Variants in LPIN2 observed in about 807,000 individuals in gnomAD.
The protein encoded by LPIN2 is phosphatidate phosphatase LPIN2.
In LPIN2, 55 loss-of-function variants were observed where a neutral mutation model predicts 111.4. The observed-to-expected ratio is 0.49, with a 90% CI of 0.40 to 0.62. The LOEUF (loss-of-function observed/expected upper bound fraction) is 0.62. Ranked by LOEUF, LPIN2 falls within the 20% of genes least tolerant of loss-of-function variation. The pLI is 0.00. For missense variants in LPIN2, 992 were observed against 1,112.1 expected, an observed-to-expected ratio of 0.89 and a Z score of 1.54; for synonymous variants, 425 against 414.0, an observed-to-expected ratio of 1.03 and a Z score of -0.32.
chr18:2,950,955 C>G, intron 4 of LPIN2, 100 bp downstream of exon 4: 1 of 1,310,318 alleles, frequency 7.6e-7, no homozygotes, highest in Non-Finnish European at 1.1e-6. Context: ...GAAAACAAGC[C>G]CAAACCTCAC....
chr18:2,958,141 C>CAAA (rs1224779773), intron 2 of LPIN2, among the ~76,000 whole-genome samples: 268 of 11,916 alleles, frequency 0.022, 50 homozygotes, highest in East Asian at 0.039. Context: ...GACTCCATCT[C>CAAA]AAAAAAAAAA....
rs553050619 is a variant in LPIN2 at position 2,995,713 on chromosome 18, T to C, written c.-10+17374A>G. Among the ~76,000 whole-genome samples, 181 of 152,334 alleles carry C rather than the reference T, an allele frequency of 1.2e-3. 1 individual carries two copies. Among genetic ancestry groups the C allele is most frequent in the Non-Finnish European group, 1.9e-3 (131 of 68,034 alleles). On this transcript the variant is annotated intron_variant, in intron 1 of 19. Coordinates refer to ENST00000677752, the MANE Select transcript of LPIN2 (RefSeq NM_001375808.2). ...CATGCGTGGTTCATCAGATGTTGCT[T>C]TGAATGGCTTCTGGCTATTTCCAAA... is the stretch of plus-strand genomic sequence containing the variant.
At chr18:2,955,917 A>G (rs1355036196) in intron 2 of LPIN2, among the ~76,000 whole-genome samples, 1 of 152,062 alleles carries the variant, frequency 6.6e-6, no homozygotes, top group Non-Finnish European at 1.5e-5. Flanking sequence ...CTCTCTCAAA[A>G]AGAAAAACAA....
intron 1 of LPIN2, among the ~76,000 whole-genome samples, chr18:2,978,105 T>C (rs527635439): frequency 1.3e-5 from 2 of 152,108 alleles, no homozygotes; most frequent in Admixed American, 6.5e-5. Flanking sequence ...GAGAACTGCT[T>C]GAAGTCAGGA....
rs771851070 is a variant in LPIN2, at chr18:2,921,599, A to C, written c.2376T>G (p.Asn792Lys). The change falls in exon 18 of 20, where the codon AAT becomes AAG. Residue 792 changes from asparagine to lysine, a missense_variant. Physicochemically the swap from Asn to Lys is moderately conservative, Grantham distance 94 (BLOSUM62 0). This residue lies in a region of LPIN2 where 185 missense variants were observed against 186.5 expected (regional missense o/e 0.99). Transcript: ENST00000677752. ...KPEKFKIECL[N>K]DIKNLFAPSK... ...ACGGGGCAAACAGATTCTTGATATC[A>C]TTTAGACACTCAATTTTGAACTTCT... The C allele has an allele frequency of 2.5e-6, 4 of 1,614,080 alleles. No homozygotes were observed. Among genetic ancestry groups the C allele is most frequent in the Non-Finnish European group, 3.4e-6 (4 of 1,179,934 alleles).
intron 16 of LPIN2, 127 bp from the exon 17 acceptor site, chr18:2,922,326 G>GT (rs1431428436): frequency 3.7e-6 from 4 of 1,088,722 alleles, no homozygotes; most frequent in Non-Finnish European, 5.3e-6. Context: ...CCAGGCTGGA[G>GT]TGCTGTGGCG....
chr18:3,000,140 A>AG (rs1444536861), intron 1 of LPIN2, among the ~76,000 whole-genome samples: 14 of 150,122 alleles, frequency 9.3e-5, no homozygotes, highest in East Asian at 2.0e-4. Context: ...GAGGAGGAGG[A>AG]GAAGGAGAAA....
At chr18:3,008,949 C>T (rs908134437) in intron 1 of LPIN2, among the ~76,000 whole-genome samples, 2 of 144,600 alleles carry the variant, frequency 1.4e-5, no homozygotes, top group South Asian at 2.2e-4. Context: ...AACTCCAGGG[C>T]TCAGGCCTCA....
chr18:2,946,594 TAG>T, intron 4 of LPIN2: 5 of 919,634 alleles, frequency 5.4e-6, no homozygotes, highest in Non-Finnish European at 9.0e-6. Flanking sequence ...GAGGATGCGT[TAG>T]CCAATCCCGT....
intron 4 of LPIN2, 84 bp downstream of exon 4, chr18:2,950,971 G>GT: frequency 7.1e-7 from 1 of 1,413,264 alleles, no homozygotes; most frequent in Non-Finnish European, 1.0e-6. Context: ...CTCACACTGT[G>GT]TATCCATAAA....
At chr18:3,012,316 ACTGGTT>A (rs1264688671) in intron 1 of LPIN2, among the ~76,000 whole-genome samples, 1 of 152,250 alleles carries the variant, frequency 6.6e-6, no homozygotes, top group Non-Finnish European at 1.5e-5. Context: ...TCTTTCTGGT[ACTGGTT>A]TGCATAATTA....
intron 12 of LPIN2, 43 bp downstream of exon 12, chr18:2,927,679 A>G: frequency 6.3e-7 from 1 of 1,588,468 alleles, no homozygotes; most frequent in Non-Finnish European, 8.6e-7. Flanking sequence ...TGAAAGATTC[A>G]TTTCTTTCAG....
At chr18:2,972,699 CCAA>C (rs1389101162) in intron 1 of LPIN2, among the ~76,000 whole-genome samples, 1 of 152,166 alleles carries the variant, frequency 6.6e-6, no homozygotes, top group African/African-American at 2.4e-5. Flanking sequence ...AAAGGGGGCC[CCAA>C]CTCCCTTCCT....
At chr18:3,006,112 A>T in intron 1 of LPIN2, among the ~76,000 whole-genome samples, 1 of 152,220 alleles carries the variant, frequency 6.6e-6, no homozygotes, top group East Asian at 1.9e-4. Context: ...GTTGTGACTT[A>T]AGAGAGATAC....
intron 1 of LPIN2, among the ~76,000 whole-genome samples, chr18:2,983,779 ATTTACT>A (rs1023909621): frequency 3.3e-5 from 5 of 152,162 alleles, no homozygotes; most frequent in African/African-American, 1.2e-4. Context: ...AAGAAATTAC[ATTTACT>A]TTTACCTAGT....
intron 7 of LPIN2, among the ~76,000 whole-genome samples, chr18:2,935,531 G>C (rs2077273779): frequency 6.6e-6 from 1 of 152,074 alleles, no homozygotes; most frequent in Admixed American, 6.6e-5. Flanking sequence ...AAATAAAAAA[G>C]ATTACAAGAA....
chr18:3,005,737 C>T (rs1015721562), intron 1 of LPIN2, among the ~76,000 whole-genome samples: 7 of 150,728 alleles, frequency 4.6e-5, no homozygotes, highest in Admixed American at 4.0e-4. Context: ...ATAAACGTAA[C>T]AACAACGGCC....
intron 4 of LPIN2, among the ~76,000 whole-genome samples, chr18:2,947,668 C>G (rs192476241): frequency 1.2e-4 from 18 of 152,126 alleles, no homozygotes; most frequent in Non-Finnish European, 2.4e-4. Flanking sequence ...CAAAACAAAA[C>G]AGAAACCTAT....
chr18:2,977,828 C>T (rs545965036), intron 1 of LPIN2, among the ~76,000 whole-genome samples: 3 of 152,152 alleles, frequency 2.0e-5, no homozygotes, highest in Admixed American at 1.3e-4. Flanking sequence ...TAGAAACTCA[C>T]TATTGGAATA....
Sources: gnomAD v4.1 joint callset for allele counts (sites outside exome capture counted in the v4.1 genomes callset) on GRCh38, gnomAD v4.1.1 for gene constraint, gnomAD v4.1.1 regional missense constraint, MANE v1.5 for transcripts, NCBI Gene and HGNC (gene_info 2026-07-23, HGNC 2026-07-21) for gene names.